PDE4B: variants seen among roughly 807,000 people sequenced by gnomAD.
PDE4B encodes the protein 3',5'-cyclic-AMP phosphodiesterase 4B.
A neutral mutation model predicts 82.2 loss-of-function variants in PDE4B; 20 were observed. That is an observed-to-expected ratio of 0.24 (90% confidence interval 0.17 to 0.35). The LOEUF is 0.35. PDE4B is among the 10% of genes least tolerant of loss of function. PDE4B has a pLI of 1.00. For missense variants in PDE4B, 655 were observed against 907.2 expected (o/e 0.72, Z 3.57); for synonymous variants, 320 against 318.9 (o/e 1.00, Z -0.04).
At chr1:65,947,648 T>C (rs1310048080) in intron 3 of PDE4B, among the ~76,000 whole-genome samples, 1 of 151,824 alleles carries the variant, frequency 6.6e-6, no homozygotes, top group African/African-American at 2.4e-5. Context: ...AAAAGGGAAA[T>C]TTAGACACAG....
chr1:65,965,298 A>T (rs1295774028), intron 3 of PDE4B, among the ~76,000 whole-genome samples: 1 of 152,108 alleles, frequency 6.6e-6, no homozygotes, highest in African/African-American at 2.4e-5. Context: ...ATTAATTAGA[A>T]TTCAGCTTTG....
At chr1:66,052,391 T>A (rs1162008964) in intron 3 of PDE4B, among the ~76,000 whole-genome samples, 1 of 152,080 alleles carries the variant, frequency 6.6e-6, no homozygotes, top group East Asian at 1.9e-4. Context: ...AGAAAATATT[T>A]ATAATGATAG....
intron 3 of PDE4B, among the ~76,000 whole-genome samples, chr1:66,105,134 A>G (rs2101032969): frequency 6.6e-6 from 1 of 151,866 alleles, no homozygotes; most frequent in East Asian, 1.9e-4. Flanking sequence ...TAAGGAAGGG[A>G]TCCAGTTTCA....
intron 1 of PDE4B, among the ~76,000 whole-genome samples, chr1:65,836,358 T>C (rs1287731142): frequency 6.6e-6 from 1 of 152,204 alleles, no homozygotes; most frequent in East Asian, 1.9e-4. Context: ...TTATCTGGTC[T>C]TGTCTTCCTC....
At chr1:65,986,417 G>A (rs1650958181) in intron 3 of PDE4B, among the ~76,000 whole-genome samples, 3 of 152,146 alleles carry the variant, frequency 2.0e-5, no homozygotes, top group Non-Finnish European at 2.9e-5. Flanking sequence ...TAGCCTTAAT[G>A]GATGAGACAT....
At chr1:66,037,874 A>G (rs916238173) in intron 3 of PDE4B, among the ~76,000 whole-genome samples, 11 of 152,210 alleles carry the variant, frequency 7.2e-5, no homozygotes, top group South Asian at 4.1e-4. Flanking sequence ...TAATGAAAAT[A>G]AAACAAAATA....
intron 8 of PDE4B, chr1:66,355,154 C>T (rs1377389713): frequency 5.1e-6 from 2 of 395,966 alleles, no homozygotes; most frequent in African/African-American, 4.2e-5. Flanking sequence ...TTGAACTTTT[C>T]ACATATAATC....
At chr1:66,109,953 G>C (rs1244781887) in intron 3 of PDE4B, among the ~76,000 whole-genome samples, 1 of 151,876 alleles carries the variant, frequency 6.6e-6, no homozygotes, top group Non-Finnish European at 1.5e-5. Context: ...TCATTTCTGT[G>C]CAGTACTCTT....
At chr1:66,225,078 G>T (rs191472773) in intron 3 of PDE4B, among the ~76,000 whole-genome samples, 1 of 152,096 alleles carries the variant, frequency 6.6e-6, no homozygotes, top group African/African-American at 2.4e-5. Context: ...CGAGGACTTT[G>T]CACCTGCATC....
intron 7 of PDE4B, among the ~76,000 whole-genome samples, chr1:66,315,455 A>AGAGTCTCACTCTGTCACCCAGGCT (rs527824252): frequency 6.6e-6 from 1 of 152,040 alleles, no homozygotes; most frequent in African/African-American, 2.4e-5. Flanking sequence ...TTTTGGAGGC[A>AGAGTCTCACTCTGTCACCCAGGCT]GAGTCTCACT....
chr1:66,164,757 T>TTTC (rs1491050546), intron 3 of PDE4B, among the ~76,000 whole-genome samples: 2 of 11,304 alleles, frequency 1.8e-4, no homozygotes, highest in African/African-American at 7.3e-4. Flanking sequence ...TTTCTTTTCT[T>TTTC]TTTTTTTTTT....
intron 1 of PDE4B, among the ~76,000 whole-genome samples, chr1:65,838,378 C>T (rs1303507222): frequency 3.3e-5 from 5 of 151,590 alleles, no homozygotes; most frequent in African/African-American, 1.2e-4. Context: ...CACTTTCAAG[C>T]CTTTATAAGG....
In PDE4B at chr1:66,257,778, A is replaced by T. The variant is rs1654358226; in HGVS notation, c.514-15A>T. The T allele has an allele frequency of 1.2e-6, 2 of 1,612,608 alleles. No homozygotes were observed. The highest frequency in any genetic ancestry group is 1.7e-6 in the Non-Finnish European group (2 of 1,178,754). On this transcript the variant is annotated splice_polypyrimidine_tract_variant and intron_variant, in intron 5 of 16. Coordinates refer to ENST00000341517, the MANE Select transcript of PDE4B (RefSeq NM_002600.4). ...CTTCTTTTGTCCTTAACCGTTTAAA[A>T]CATTTTTCTTCTAGGTCCTTGCCAG...
intron 16 of PDE4B, among the ~76,000 whole-genome samples, chr1:66,371,061 C>CATAT (rs5774812): frequency 0.02 from 2,188 of 110,854 alleles, 88 homozygotes; most frequent in African/African-American, 0.065. Context: ...ACACATCATA[C>CATAT]ATATATATAT....
intron 3 of PDE4B, chr1:66,050,794 G>A (rs909790113): frequency 1.3e-5 from 2 of 152,110 alleles, no homozygotes; most frequent in African/African-American, 2.4e-5. Flanking sequence ...TTGGAGATCC[G>A]TGAAGGAGCA....
chr1:66,092,761 A>C (rs1645048680), intron 3 of PDE4B, among the ~76,000 whole-genome samples: 1 of 151,944 alleles, frequency 6.6e-6, no homozygotes. Context: ...CATAACTGGG[A>C]GAAAGTTGGG....
At chr1:66,142,020 G>T (rs1042084302) in intron 3 of PDE4B, among the ~76,000 whole-genome samples, 5 of 151,922 alleles carry the variant, frequency 3.3e-5, no homozygotes, top group Non-Finnish European at 7.4e-5. Flanking sequence ...ACACATATTT[G>T]TATATGTATT....
intron 7 of PDE4B, among the ~76,000 whole-genome samples, chr1:66,329,925 C>A (rs954949820): frequency 1.3e-5 from 2 of 152,106 alleles, no homozygotes; most frequent in East Asian, 3.9e-4. Context: ...GTTTCCATTC[C>A]TCCAATTATT....
At chr1:65,815,874 C>T (rs1645877848) in intron 1 of PDE4B, among the ~76,000 whole-genome samples, 1 of 152,174 alleles carries the variant, frequency 6.6e-6, no homozygotes, top group South Asian at 2.1e-4. Flanking sequence ...ACCATATTCA[C>T]CTGCCTCAAG....
Sources: gnomAD v4.1 joint callset for allele counts (sites outside exome capture counted in the v4.1 genomes callset) on GRCh38, gnomAD v4.1.1 for gene constraint, MANE v1.5 for transcripts, NCBI Gene and HGNC (gene_info 2026-07-23, HGNC 2026-07-21) for gene names.